The following SPATA13 variants were observed in gnomAD, a reference collection of about 807,000 sequenced individuals.
The protein encoded by SPATA13 is spermatogenesis associated 13, also known as spermatogenesis-associated protein 13.
In SPATA13, 50 loss-of-function variants were observed where a neutral mutation model predicts 104.0. The observed-to-expected ratio is 0.48, with a 90% confidence interval of 0.38 to 0.61. The LOEUF (loss-of-function observed/expected upper bound fraction) is 0.61, where lower values mean the gene tolerates loss of function less well. Among genes scored for constraint, SPATA13 ranks in the 20% least tolerant of loss-of-function variants. The probability of loss-of-function intolerance (pLI) is 0.00; values close to 1 mark genes in which losing one functional copy is unlikely to be tolerated. For missense variants in SPATA13, 1,524 were observed against 1,690.6 expected, an observed-to-expected ratio of 0.90 and a Z score of 1.73; for synonymous variants, 606 against 667.5, an observed-to-expected ratio of 0.91 and a Z score of 1.42.
intron 4 of SPATA13, chr13:24,278,848 G>T (rs770931143): frequency 1.3e-6 from 2 of 1,566,002 alleles, no homozygotes; most frequent in Non-Finnish European, 8.6e-7. Context: ...CCAAAGCCTT[G>T]CATGAAGTCC....
At chr13:24,213,201 T>C (rs906888338) in intron 1 of SPATA13, among the ~76,000 whole-genome samples, 3 of 152,172 alleles carry the variant, frequency 2.0e-5, no homozygotes, top group Admixed American at 6.5e-5. Flanking sequence ...ATGATGATCA[T>C]AGGGAGGAGA....
chr13:24,281,472 C>T (rs564673693), intron 4 of SPATA13, among the ~76,000 whole-genome samples: 42 of 152,180 alleles, frequency 2.8e-4, no homozygotes, highest in African/African-American at 8.9e-4. Flanking sequence ...CCCTGGCTGT[C>T]GCGGTGTCCG....
intron 3 of SPATA13, among the ~76,000 whole-genome samples, chr13:24,069,844 G>C (rs962473492): frequency 2.0e-5 from 3 of 152,186 alleles, no homozygotes; most frequent in African/African-American, 7.2e-5. Context: ...TGACCGTTGT[G>C]ACAGTGAGAA....
intron 2 of SPATA13, among the ~76,000 whole-genome samples, chr13:23,989,614 C>A (rs1875314131): frequency 6.6e-6 from 1 of 152,198 alleles, no homozygotes; most frequent in South Asian, 2.1e-4. Flanking sequence ...CTCTGACCCA[C>A]AGAGTAACGT....
rs1877539302 is a variant in SPATA13, at chr13:24,305,744, T to C, written c.*2971T>C. The C allele has an allele frequency of 6.6e-6, 1 of 152,260 alleles. No homozygotes were observed. The highest frequency in any genetic ancestry group is 1.5e-5 in the Non-Finnish European group (1 of 68,044). The allele number at this position is 152,260 out of a possible 1,614,324, so 9.4% of individuals were successfully genotyped here. A position where few individuals can be genotyped will look rare whatever the true frequency, so the allele number is the denominator to read the frequency against. On this transcript the variant is annotated 3_prime_UTR_variant, in exon 13 of 13. Coordinates refer to ENST00000382108, the MANE Select transcript of SPATA13 (RefSeq NM_001166271.3). ...ACATAACATTTTGATGAATTTCACCTATTCCATTCTTCACGTTTCAGAATT... is the reference window on the plus strand; with the variant it reads ...ACATAACATTTTGATGAATTTCACCCATTCCATTCTTCACGTTTCAGAATT...
rs967250529 is a variant in SPATA13, at chr13:24,223,481, C to T, written c.552C>T (p.Ser184=). The part of the protein sequence containing the change: ...RPAEWGTLDG[S]DLEDTDDAFQ... ...CAGAGTGGGGCACATTGGATGGCTC[C>T]GACCTCGAGGACACGGACGATGCCT... The change falls in exon 2 of 13, where the codon TCC becomes TCT. Residue 184 remains serine (S), a synonymous_variant. Transcript: ENST00000382108. 2.8e-5 allele frequency: 43 copies of T among 1,549,188 alleles called. No homozygotes were observed. The highest frequency in any genetic ancestry group is 5.9e-5 in the Admixed American group (3 of 50,988).
chr13:24,302,973 T>C lies in SPATA13; in HGVS notation c.*200T>C. ...CTTTGTGGAAGGGAGGAGACGGTCA[T>C]GACACAAAGCTTTATCCTACACAGA... On this transcript the variant is annotated 3_prime_UTR_variant, in exon 13 of 13. Transcript: ENST00000382108. The C allele has an allele frequency of 1.5e-6, 1 of 658,634 alleles. No individual in the cohort carries two copies. The highest frequency in any genetic ancestry group is 2.6e-6 in the Non-Finnish European group (1 of 384,570). The allele number at this position is 658,634 out of a possible 1,614,324, so 40.8% of individuals were successfully genotyped here.
At chr13:24,124,601 T>C (rs949417281) in intron 3 of SPATA13, among the ~76,000 whole-genome samples, 5 of 152,218 alleles carry the variant, frequency 3.3e-5, no homozygotes, top group African/African-American at 1.2e-4. Context: ...CAAGTCTAAT[T>C]GGACATGGCA....
At chr13:24,133,178 G>C (rs1361809601) in intron 3 of SPATA13, among the ~76,000 whole-genome samples, 2 of 152,072 alleles carry the variant, frequency 1.3e-5, no homozygotes, top group Admixed American at 6.5e-5. Flanking sequence ...AGACTGTGCA[G>C]CCTATACAGA....
chr13:24,275,684 A>C (rs1874927192), intron 4 of SPATA13, among the ~76,000 whole-genome samples: 2 of 152,244 alleles, frequency 1.3e-5, no homozygotes, highest in Non-Finnish European at 2.9e-5. Flanking sequence ...CTGTAATCCC[A>C]GCACTTTGGG....
chr13:24,297,780 G>A (rs1876899533), intron 11 of SPATA13, 45 bp downstream of exon 11: 2 of 1,565,406 alleles, frequency 1.3e-6, no homozygotes, highest in Non-Finnish European at 1.7e-6. Context: ...TCTGCTTGCT[G>A]TAATAGCTTC....
chr13:24,094,688 G>A lies in SPATA13; in HGVS notation c.-112+76987G>A, dbSNP rs117360034. On this transcript the variant is annotated intron_variant, in intron 3 of 14. Coordinates refer to the SPATA13 transcript ENST00000424834. ...GCAGGAAGATTGCCTGAGCCCAGGA[G>A]TTTGAGGTTACAGTAAACTATGATC... 5.4e-3 allele frequency among the ~76,000 whole-genome samples: 824 copies of A among 152,286 alleles called. 6 individuals carry two copies. The highest frequency in any genetic ancestry group is 8.2e-3 in the Admixed American group (126 of 15,294).
intron 4 of SPATA13, among the ~76,000 whole-genome samples, chr13:24,263,648 T>C (rs1385934616): frequency 6.6e-6 from 1 of 152,246 alleles, no homozygotes; most frequent in African/African-American, 2.4e-5. Context: ...ATAGTTGTTA[T>C]GCTGCATTGT....
At chr13:24,287,003 G>T in intron 7 of SPATA13, 53 bp downstream of exon 7, 1 of 1,543,320 alleles carries the variant, frequency 6.5e-7, no homozygotes, top group South Asian at 1.2e-5. Flanking sequence ...GGCTGCATGA[G>T]GTGCCTGGGC....
intron 3 of SPATA13, among the ~76,000 whole-genome samples, chr13:24,149,490 C>T (rs1457183680): frequency 6.6e-6 from 1 of 152,170 alleles, no homozygotes; most frequent in African/African-American, 2.4e-5. Context: ...CCAAATCTGG[C>T]CAAGGGTGGA....
At chr13:24,178,988 A>G (rs566617403) in intron 1 of SPATA13, among the ~76,000 whole-genome samples, 1 of 152,260 alleles carries the variant, frequency 6.6e-6, no homozygotes, top group East Asian at 1.9e-4. Context: ...CTGTCCCTCT[A>G]CATTTGACTA....
At chr13:24,213,491 T>C (rs1183414350) in intron 1 of SPATA13, among the ~76,000 whole-genome samples, 1 of 151,918 alleles carries the variant, frequency 6.6e-6, no homozygotes, top group East Asian at 1.9e-4. Context: ...GCTCTCAAAC[T>C]CCCGACCTCA....
At chr13:24,019,415 G>A (rs1876875532) in intron 3 of SPATA13, among the ~76,000 whole-genome samples, 1 of 152,168 alleles carries the variant, frequency 6.6e-6, no homozygotes, top group East Asian at 1.9e-4. Context: ...AAGAAAAACA[G>A]TATATAGTTT....
chr13:24,166,655 C>G (rs1315140237), intron 1 of SPATA13, among the ~76,000 whole-genome samples: 2 of 152,176 alleles, frequency 1.3e-5, no homozygotes, highest in Non-Finnish European at 2.9e-5. Context: ...TAAATTAGTT[C>G]TGTGAGTGGG....
Sources: gnomAD v4.1 joint callset for allele counts (sites outside exome capture counted in the v4.1 genomes callset) on GRCh38, gnomAD v4.1.1 for gene constraint, MANE v1.5 for transcripts, NCBI Gene and HGNC (gene_info 2026-07-23, HGNC 2026-07-21) for gene names.